Variants in MGAT5 observed in about 807,000 individuals in gnomAD.
The protein encoded by MGAT5 is alpha-1,6-mannosylglycoprotein 6-beta-N-acetylglucosaminyltransferase, also known as alpha-1,6-mannosylglycoprotein 6-beta-N-acetylglucosaminyltransferase A.
A neutral mutation model predicts 94.3 loss-of-function variants in MGAT5; 30 were observed. That is an observed-to-expected ratio of 0.32 (90% confidence interval 0.24 to 0.43). The LOEUF (loss-of-function observed/expected upper bound fraction) is 0.43. Ranked by LOEUF, MGAT5 falls within the 20% of genes least tolerant of loss-of-function variation. The probability of loss-of-function intolerance (pLI) is 1.00; values close to 1 mark genes in which losing one functional copy is unlikely to be tolerated. For synonymous variants in MGAT5, 310 were observed against 322.9 expected (o/e 0.96, Z 0.43); for missense variants, 691 against 905.5 (o/e 0.76, Z 3.04).
chr2:134,363,943 C>T (rs112387899), intron 10 of MGAT5, among the ~76,000 whole-genome samples: 43 of 152,276 alleles, frequency 2.8e-4, no homozygotes, highest in African/African-American at 5.1e-4. Context: ...TAATGGTTTA[C>T]GGCATTGGTT....
rs1682803596 is a variant in MGAT5 at position 134,254,402 on chromosome 2, C to G, written c.-2C>G. The G allele has an allele frequency of 6.2e-7, 1 of 1,614,010 alleles. No homozygotes were observed. The highest frequency in any genetic ancestry group is 8.5e-7 in the Non-Finnish European group (1 of 1,180,014). On this transcript the variant is annotated 5_prime_UTR_variant, in exon 1 of 16. Coordinates refer to ENST00000281923, the MANE Select transcript of MGAT5 (RefSeq NM_002410.5). ...AAGGACAGGTGAAGTTGCCAGAGAG[C>G]AATGGCTCTCTTCACTCCGTGGAAG...
chr2:134,345,666 T>C (rs895278219), intron 8 of MGAT5, among the ~76,000 whole-genome samples: 9 of 152,228 alleles, frequency 5.9e-5, no homozygotes, highest in Admixed American at 4.6e-4. Context: ...AACATGGCAC[T>C]AAATCACAAT....
At chr2:134,422,527 A>C (rs1574067955) in intron 12 of MGAT5, among the ~76,000 whole-genome samples, 3 of 152,118 alleles carry the variant, frequency 2.0e-5, no homozygotes, top group Admixed American at 2.0e-4. Flanking sequence ...GAAACTGTTC[A>C]TCATTTCTTG....
chr2:134,339,406 A>T (rs1180971043), intron 6 of MGAT5, among the ~76,000 whole-genome samples: 1 of 152,242 alleles, frequency 6.6e-6, no homozygotes, highest in African/African-American at 2.4e-5. Flanking sequence ...ACATAAAGAT[A>T]TATACAGATA....
At chr2:134,291,825 C>G (rs983197907) in intron 2 of MGAT5, among the ~76,000 whole-genome samples, 1 of 152,094 alleles carries the variant, frequency 6.6e-6, no homozygotes, top group African/African-American at 2.4e-5. Context: ...AAGTTTGGGC[C>G]CTGCTAGAAT....
intron 10 of MGAT5, among the ~76,000 whole-genome samples, chr2:134,378,693 G>A (rs1681350698): frequency 6.8e-6 from 1 of 146,924 alleles, no homozygotes; most frequent in Non-Finnish European, 1.5e-5. Flanking sequence ...TCGGCTCACT[G>A]CCACCTGTGA....
At chr2:134,170,868 C>CT (rs890638128) in intron 1 of MGAT5, among the ~76,000 whole-genome samples, 72 of 122,186 alleles carry the variant, frequency 5.9e-4, no homozygotes, top group African/African-American at 1.9e-3. Context: ...TTTTTTTTTT[C>CT]TTTTTTTTGA....
At chr2:134,192,815 A>G (rs1427138833) in intron 1 of MGAT5, among the ~76,000 whole-genome samples, 1 of 152,164 alleles carries the variant, frequency 6.6e-6, no homozygotes, top group Non-Finnish European at 1.5e-5. Context: ...GAAAATGTTT[A>G]AAATCTGTTG....
chr2:134,138,044 G>T (rs1435089607), intron 1 of MGAT5, among the ~76,000 whole-genome samples: 11 of 151,530 alleles, frequency 7.3e-5, no homozygotes, highest in Middle Eastern at 3.4e-3. Context: ...CAGGCTAGAG[G>T]GCAGTGGCGC....
At chr2:134,344,658 T>C (rs1477899063) in intron 7 of MGAT5, among the ~76,000 whole-genome samples, 2 of 152,082 alleles carry the variant, frequency 1.3e-5, no homozygotes, top group Non-Finnish European at 2.9e-5. Flanking sequence ...AGCTGCTACA[T>C]AGTGGTGATG....
At chr2:134,231,420 A>G (rs1681359130) in intron 1 of MGAT5, 1 of 152,254 alleles carries the variant, frequency 6.6e-6, no homozygotes, top group Non-Finnish European at 1.5e-5. Flanking sequence ...AAGGGTTTAT[A>G]ACCTAGACAA....
intron 2 of MGAT5, among the ~76,000 whole-genome samples, chr2:134,273,134 G>A (rs371358936): frequency 6.6e-6 from 1 of 152,144 alleles, no homozygotes; most frequent in South Asian, 2.1e-4. Flanking sequence ...CAGAAGGTGG[G>A]GGGGGGTCCT....
intron 10 of MGAT5, among the ~76,000 whole-genome samples, chr2:134,374,885 C>T (rs1391810290): frequency 2.6e-5 from 4 of 152,126 alleles, no homozygotes; most frequent in South Asian, 4.1e-4. Flanking sequence ...CCCAGCTACT[C>T]GGGAAGCTGA....
intron 1 of MGAT5, among the ~76,000 whole-genome samples, chr2:134,121,329 C>G (rs1685578373): frequency 6.6e-6 from 1 of 152,226 alleles, no homozygotes; most frequent in African/African-American, 2.4e-5. Context: ...GGACCTGGCG[C>G]GGCGAGCAGG....
intron 9 of MGAT5, among the ~76,000 whole-genome samples, chr2:134,354,840 T>A (rs1209917845): frequency 6.6e-6 from 1 of 152,170 alleles, no homozygotes; most frequent in Admixed American, 6.5e-5. Context: ...TAGGCCCCCA[T>A]TCCTGCTCAC....
At chr2:134,361,042 G>A (rs1054278121) in intron 9 of MGAT5, among the ~76,000 whole-genome samples, 2 of 152,232 alleles carry the variant, frequency 1.3e-5, no homozygotes, top group African/African-American at 4.8e-5. Flanking sequence ...CATGGCGGGC[G>A]ACATTGGAGG....
intron 10 of MGAT5, among the ~76,000 whole-genome samples, chr2:134,395,601 C>A (rs1040337819): frequency 6.6e-6 from 1 of 152,176 alleles, no homozygotes; most frequent in African/African-American, 2.4e-5. Flanking sequence ...CCAGTGCTGG[C>A]TCAGCACTGT....
intron 1 of MGAT5, among the ~76,000 whole-genome samples, chr2:134,199,695 C>A (rs1267330563): frequency 2.0e-5 from 3 of 152,106 alleles, no homozygotes; most frequent in Non-Finnish European, 4.4e-5. Context: ...TTTGTGGGTT[C>A]ATTCTCCTAG....
intron 2 of MGAT5, among the ~76,000 whole-genome samples, chr2:134,276,502 A>G (rs918932532): frequency 6.6e-6 from 1 of 152,232 alleles, no homozygotes; most frequent in African/African-American, 2.4e-5. Context: ...AAATTAAATA[A>G]GTTAAAGAAA....
Sources: gnomAD v4.1 joint callset for allele counts (sites outside exome capture counted in the v4.1 genomes callset) on GRCh38, gnomAD v4.1.1 for gene constraint, MANE v1.5 for transcripts, NCBI Gene and HGNC (gene_info 2026-07-23, HGNC 2026-07-21) for gene names.